The following MACROD2 variants were observed in gnomAD, a reference collection of about 807,000 sequenced individuals.
MACROD2 encodes mono-ADP ribosylhydrolase 2.
In MACROD2, 36 loss-of-function variants were observed where a neutral mutation model predicts 70.4. The ratio of observed to expected loss-of-function variants is 0.51; its 90% confidence interval spans 0.39 to 0.68. The LOEUF (loss-of-function observed/expected upper bound fraction) is 0.68, where lower values mean the gene tolerates loss of function less well. Ranked by LOEUF, MACROD2 falls within the 30% of genes least tolerant of loss-of-function variation. The probability of loss-of-function intolerance (pLI) is 0.00; values close to 1 mark genes in which losing one functional copy is unlikely to be tolerated. For missense variants in MACROD2, 496 were observed against 538.4 expected, an observed-to-expected ratio of 0.92 and a Z score of 0.78; for synonymous variants, 172 against 178.8, an observed-to-expected ratio of 0.96 and a Z score of 0.30.
At chr20:14,421,348 TTTG>T (rs1439081375) in intron 3 of MACROD2, among the ~76,000 whole-genome samples, 2 of 152,164 alleles carry the variant, frequency 1.3e-5, no homozygotes, top group Admixed American at 6.5e-5. Context: ...CCTATGCTTT[TTTG>T]TTGTTGTTGT....
At chr20:14,734,369 C>T (rs945274097) in intron 5 of MACROD2, among the ~76,000 whole-genome samples, 5 of 151,556 alleles carry the variant, frequency 3.3e-5, no homozygotes, top group East Asian at 1.9e-4. Flanking sequence ...CGTGTAGTGG[C>T]GGGTGCCTGT....
intron 3 of MACROD2, among the ~76,000 whole-genome samples, chr20:14,428,544 C>T (rs980400645): frequency 4.6e-5 from 7 of 152,064 alleles, no homozygotes; most frequent in African/African-American, 1.4e-4. Flanking sequence ...TTATACTACT[C>T]CTGTATTTTT....
intron 8 of MACROD2, among the ~76,000 whole-genome samples, chr20:15,579,420 A>G (rs2048493536): frequency 6.6e-6 from 1 of 152,222 alleles, no homozygotes. Context: ...AATAGACCCG[A>G]GAAATAGGTA....
intron 5 of MACROD2, among the ~76,000 whole-genome samples, chr20:15,228,982 AAGTTG>A (rs1568653624): frequency 6.6e-6 from 1 of 152,142 alleles, no homozygotes; most frequent in Non-Finnish European, 1.5e-5. Context: ...TTTGTGATGA[AAGTTG>A]ATTAGTTGTT....
At chr20:14,397,723 A>AT (rs888824771) in intron 3 of MACROD2, among the ~76,000 whole-genome samples, 10 of 152,018 alleles carry the variant, frequency 6.6e-5, no homozygotes, top group Non-Finnish European at 1.0e-4. Flanking sequence ...ACAAACATTT[A>AT]TTTTTTTTGT....
chr20:14,541,918 T>A (rs575598363), intron 4 of MACROD2, among the ~76,000 whole-genome samples: 2 of 152,330 alleles, frequency 1.3e-5, no homozygotes, highest in East Asian at 3.9e-4. Context: ...GAACCACAAG[T>A]CATCAAATGG....
chr20:15,006,126 A>ATT (rs923912055), intron 5 of MACROD2, among the ~76,000 whole-genome samples: 7 of 138,434 alleles, frequency 5.1e-5, no homozygotes, highest in African/African-American at 1.9e-4. Context: ...CAAAGAATGC[A>ATT]TTTTATATAT....
At chr20:15,658,598 A>T (rs1320157395) in intron 8 of MACROD2, among the ~76,000 whole-genome samples, 1 of 152,244 alleles carries the variant, frequency 6.6e-6, no homozygotes, top group African/African-American at 2.4e-5. Context: ...ACCAGTGGTC[A>T]TCGTGTCAGA....
At chr20:15,291,347 A>G (rs534236591) in intron 6 of MACROD2, among the ~76,000 whole-genome samples, 4 of 152,226 alleles carry the variant, frequency 2.6e-5, no homozygotes, top group Non-Finnish European at 4.4e-5. Context: ...TGAGACATAA[A>G]GATAATATTC....
chr20:14,890,149 A>G (rs545342136), intron 5 of MACROD2, among the ~76,000 whole-genome samples: 124 of 152,222 alleles, frequency 8.1e-4, no homozygotes, highest in African/African-American at 2.8e-3. Flanking sequence ...AGAATGAAGA[A>G]TTTAAGTTTG....
chr20:15,136,770 C>A (rs1461292065), intron 5 of MACROD2, among the ~76,000 whole-genome samples: 1 of 152,150 alleles, frequency 6.6e-6, no homozygotes, highest in Non-Finnish European at 1.5e-5. Flanking sequence ...TCAGAATGAA[C>A]AGGCAACCTA....
intron 7 of MACROD2, among the ~76,000 whole-genome samples, chr20:15,444,226 T>C (rs2046532775): frequency 6.6e-6 from 1 of 152,328 alleles, no homozygotes; most frequent in South Asian, 2.1e-4. Context: ...AGTTCGTCCA[T>C]GTCATAGCAT....
At chr20:14,984,434 T>A (rs1184013033) in intron 5 of MACROD2, among the ~76,000 whole-genome samples, 1 of 152,210 alleles carries the variant, frequency 6.6e-6, no homozygotes, top group East Asian at 1.9e-4. Context: ...ATAGTCAGGA[T>A]GTGCTTAGTC....
chr20:15,113,353 A>G (rs893245061), intron 5 of MACROD2, among the ~76,000 whole-genome samples: 7 of 152,164 alleles, frequency 4.6e-5, no homozygotes, highest in African/African-American at 1.4e-4. Context: ...TATTGGTTTA[A>G]CACACATGTA....
intron 4 of MACROD2, among the ~76,000 whole-genome samples, chr20:14,598,499 G>A (rs111653712): frequency 3.6e-4 from 54 of 152,058 alleles, no homozygotes; most frequent in Admixed American, 7.2e-4. Context: ...TTTTATTCTC[G>A]TAATATGATT....
Position 13,995,603 on chromosome 20 carries a change from G to A in MACROD2, c.-161G>A, listed in dbSNP as rs973528256. ...CGAGCGCGGGCTGAGGGAGGAGGGC[G>A]GCGACTGGAGAGCGGCGAGCGGCGA... On this transcript the variant is annotated 5_prime_UTR_variant, in exon 1 of 18. Coordinates refer to ENST00000684519, the MANE Select transcript of MACROD2 (RefSeq NM_001351661.2). The surrounding 1 kb of genome is among the most constrained non-coding windows in gnomAD (Gnocchi z 4.3). The A allele has an allele frequency of 4.1e-6, 3 of 729,746 alleles. No homozygotes were observed. In the African/African-American group the frequency reaches 5.2e-5, roughly 13 times the overall value. The allele number at this position is 729,746 out of a possible 1,614,324, so 45.2% of individuals were successfully genotyped here.
intron 6 of MACROD2, among the ~76,000 whole-genome samples, chr20:15,285,927 AT>A (rs1955319686): frequency 6.6e-6 from 1 of 152,094 alleles, no homozygotes; most frequent in African/African-American, 2.4e-5. Context: ...GCAATTCTAA[AT>A]GATTAATCAA....
chr20:14,159,014 A>G (rs1601293549), intron 3 of MACROD2, among the ~76,000 whole-genome samples: 2 of 152,284 alleles, frequency 1.3e-5, no homozygotes, highest in South Asian at 4.1e-4. Context: ...AGGCAGGTGG[A>G]TTGCCTGAGG....
chr20:14,880,579 T>A (rs1486586324), intron 5 of MACROD2, among the ~76,000 whole-genome samples: 5 of 152,110 alleles, frequency 3.3e-5, no homozygotes, highest in Non-Finnish European at 5.9e-5. Context: ...TGAGGGCAGG[T>A]CCCCAAATCC....
Sources: gnomAD v4.1 joint callset for allele counts (sites outside exome capture counted in the v4.1 genomes callset) on GRCh38, gnomAD v4.1.1 for gene constraint, Gnocchi (gnomAD v3.1) non-coding constraint, MANE v1.5 for transcripts, NCBI Gene and HGNC (gene_info 2026-07-23, HGNC 2026-07-21) for gene names.